Variants in CLEC16A observed in about 807,000 individuals in gnomAD.
CLEC16A encodes C-type lectin domain containing 16A.
A neutral mutation model predicts 109.5 loss-of-function variants in CLEC16A; 51 were observed. The observed-to-expected ratio is 0.47, with a 90% confidence interval of 0.37 to 0.59. The LOEUF (loss-of-function observed/expected upper bound fraction) is 0.59. CLEC16A is among the 20% of genes least tolerant of loss of function. The probability of loss-of-function intolerance (pLI) is 0.00; values close to 1 mark genes in which losing one functional copy is unlikely to be tolerated. For synonymous variants in CLEC16A, 673 were observed against 564.2 expected, an observed-to-expected ratio of 1.19 and a Z score of -2.73; for missense variants, 1,339 against 1,394.0, an observed-to-expected ratio of 0.96 and a Z score of 0.63.
intron 22 of CLEC16A, among the ~76,000 whole-genome samples, chr16:11,163,473 G>A (rs775485476): frequency 4.2e-5 from 5 of 118,774 alleles, no homozygotes; most frequent in Non-Finnish European, 8.6e-5. Flanking sequence ...GATGGGATCG[G>A]TAGTTGGTGA....
chr16:10,967,944 G>C (rs771218845), intron 3 of CLEC16A, among the ~76,000 whole-genome samples: 1 of 152,234 alleles, frequency 6.6e-6, no homozygotes, highest in East Asian at 1.9e-4. Flanking sequence ...ACTCCGTGGC[G>C]CAGGGCCGGG....
chr16:11,148,431 A>T (rs2054157715), intron 22 of CLEC16A, among the ~76,000 whole-genome samples: 1 of 152,162 alleles, frequency 6.6e-6, no homozygotes. Flanking sequence ...GGTACTGTTT[A>T]TTGAGCAATT....
In CLEC16A at chr16:10,957,711, C is replaced by G. The variant is rs959959876; in HGVS notation, c.81-71C>G. 5 of 1,507,258 alleles carry G rather than the reference C, an allele frequency of 3.3e-6. No homozygotes were observed. The African/African-American group carries it at 6.9e-5, about 21-fold the overall frequency. 93.4% of individuals were successfully genotyped at this position (1,507,258 alleles called of 1,614,324 possible). On this transcript the variant is annotated intron_variant, in intron 1 of 23. Transcript: ENST00000409790. ...TTGCTGCATTGTCTCCAAAATATTG[C>G]TAATGGTCATGGAACTTGGCTTGCA...
At chr16:11,163,483 ATTTT>A (rs934005630) in intron 22 of CLEC16A, among the ~76,000 whole-genome samples, 56 of 77,578 alleles carry the variant, frequency 7.2e-4, no homozygotes, top group African/African-American at 1.0e-3. Flanking sequence ...GTAGTTGGTG[ATTTT>A]TTTGTTTGTT....
chr16:11,097,166 G>T (rs1029713632), intron 19 of CLEC16A, among the ~76,000 whole-genome samples: 5 of 152,158 alleles, frequency 3.3e-5, no homozygotes, highest in Admixed American at 3.3e-4. Flanking sequence ...TTCTAGAACA[G>T]GTTAAAGGAC....
intron 19 of CLEC16A, among the ~76,000 whole-genome samples, chr16:11,083,148 GTTGT>G (rs144974456): frequency 0.23 from 33,244 of 147,366 alleles, 3,959 homozygotes; most frequent in African/African-American, 0.31. Context: ...TGTTGTTGTT[GTTGT>G]TTGTTTGTTT....
At chr16:10,971,864 G>C (rs1319645276) in intron 5 of CLEC16A, among the ~76,000 whole-genome samples, 14 of 152,164 alleles carry the variant, frequency 9.2e-5, no homozygotes, top group Non-Finnish European at 1.5e-4. Flanking sequence ...CTAATTCCTG[G>C]GTTATTTTCC....
chr16:11,014,509 C>T (rs745469225), intron 11 of CLEC16A, among the ~76,000 whole-genome samples: 4 of 152,132 alleles, frequency 2.6e-5, no homozygotes, highest in Non-Finnish European at 4.4e-5. Flanking sequence ...TTAAACTTTC[C>T]TTTTAAGCTG....
At chr16:11,085,812 A>AT (rs1285160686) in intron 19 of CLEC16A, among the ~76,000 whole-genome samples, 1 of 152,156 alleles carries the variant, frequency 6.6e-6, no homozygotes, top group East Asian at 1.9e-4. Context: ...GGCTAGTCTC[A>AT]AACCCCTGGG....
chr16:11,013,719 AC>A (rs1317743812), intron 11 of CLEC16A, among the ~76,000 whole-genome samples: 1 of 152,148 alleles, frequency 6.6e-6, no homozygotes, highest in Non-Finnish European at 1.5e-5. Flanking sequence ...AGATCACGCC[AC>A]CGCACTCCAG....
chr16:11,059,832 G>C (rs2048388554), intron 18 of CLEC16A, among the ~76,000 whole-genome samples: 1 of 152,210 alleles, frequency 6.6e-6, no homozygotes, highest in African/African-American at 2.4e-5. Flanking sequence ...GGAAAAGGAA[G>C]CTCACAGAAG....
chr16:11,090,174 C>G (rs2050225863), intron 19 of CLEC16A, among the ~76,000 whole-genome samples: 1 of 152,192 alleles, frequency 6.6e-6, no homozygotes, highest in African/African-American at 2.4e-5. Flanking sequence ...GGGGGACCTG[C>G]CTCATACGAC....
chr16:11,055,592 T>C (rs2048172691), intron 18 of CLEC16A, among the ~76,000 whole-genome samples: 1 of 127,486 alleles, frequency 7.8e-6, no homozygotes. Flanking sequence ...TTTTTTTTTT[T>C]TTTTTTTTTT....
intron 8 of CLEC16A, among the ~76,000 whole-genome samples, chr16:10,979,009 G>A (rs1458100195): frequency 2.0e-5 from 3 of 151,996 alleles, no homozygotes; most frequent in Admixed American, 6.5e-5. Context: ...CTCTCCTGCC[G>A]GGGCGTCCAG....
intron 19 of CLEC16A, among the ~76,000 whole-genome samples, chr16:11,083,827 G>A (rs1245425703): frequency 6.6e-6 from 1 of 152,186 alleles, no homozygotes; most frequent in Non-Finnish European, 1.5e-5. Flanking sequence ...GGCCCAGGGG[G>A]ACCTGACATG....
At chr16:11,091,942 G>C (rs77838607) in intron 19 of CLEC16A, among the ~76,000 whole-genome samples, 10,879 of 152,104 alleles carry the variant, frequency 0.072, 401 homozygotes, top group East Asian at 0.12. Context: ...GACTGCCATG[G>C]GTTTGCTTCC....
intron 19 of CLEC16A, among the ~76,000 whole-genome samples, chr16:11,069,281 C>T (rs935793466): frequency 2.0e-5 from 3 of 152,078 alleles, no homozygotes; most frequent in African/African-American, 7.2e-5. Context: ...GCATGCACCA[C>T]CACACCCGGC....
At chr16:11,038,064 T>C (rs2047122169) in intron 13 of CLEC16A, among the ~76,000 whole-genome samples, 1 of 152,188 alleles carries the variant, frequency 6.6e-6, no homozygotes, top group Admixed American at 6.5e-5. Flanking sequence ...GAGAGACTAC[T>C]ACCCTACTCA....
intron 11 of CLEC16A, among the ~76,000 whole-genome samples, chr16:11,011,424 C>T (rs538479409): frequency 6.6e-6 from 1 of 152,174 alleles, no homozygotes; most frequent in South Asian, 2.1e-4. Context: ...TATTTTGGTG[C>T]TTAAATTGTC....
Sources: allele counts gnomAD v4.1 joint callset (sites outside exome capture counted in the v4.1 genomes callset), GRCh38; gene constraint gnomAD v4.1.1; transcripts MANE v1.5; gene names NCBI Gene and HGNC (gene_info 2026-07-23, HGNC 2026-07-21).